Variants in PDE2A observed in about 807,000 individuals in gnomAD.
The protein encoded by PDE2A is phosphodiesterase 2A.
Under a neutral mutation model 133.6 loss-of-function variants are expected in PDE2A, and 53 were observed. That is an observed-to-expected ratio of 0.40 (90% CI 0.32 to 0.50). PDE2A has a LOEUF of 0.50. PDE2A is among the 20% of genes least tolerant of loss of function. The probability of loss-of-function intolerance (pLI) is 0.73; values close to 1 mark genes in which losing one functional copy is unlikely to be tolerated. For missense variants in PDE2A, 796 were observed against 1,232.4 expected, an observed-to-expected ratio of 0.65 and a Z score of 5.30; for synonymous variants, 491 against 490.2, an observed-to-expected ratio of 1.00 and a Z score of -0.02.
At chr11:72,626,634 A>C (rs11824399) in intron 2 of PDE2A, among the ~76,000 whole-genome samples, 8,111 of 151,080 alleles carry the variant, frequency 0.054, 735 homozygotes, top group African/African-American at 0.19. Flanking sequence ...CTCCCCTCCC[A>C]CTCCTGCCCA....
intron 1 of PDE2A, chr11:72,668,286 C>G (rs759195114): frequency 5.6e-6 from 4 of 718,554 alleles, no homozygotes; most frequent in Non-Finnish European, 7.8e-6. Context: ...TCTGGCTCCA[C>G]TGGCTGAATA....
chr11:72,598,931 G>T (rs930739454), intron 4 of PDE2A: 2 of 985,390 alleles, frequency 2.0e-6, no homozygotes, highest in Non-Finnish European at 2.4e-6. Context: ...TGTCCACATT[G>T]CCAGTCACCC....
intron 2 of PDE2A, among the ~76,000 whole-genome samples, chr11:72,627,325 A>G (rs1460649979): frequency 6.6e-6 from 1 of 152,204 alleles, no homozygotes; most frequent in Non-Finnish European, 1.5e-5. Flanking sequence ...CAGGTTTCCC[A>G]ACTGTGGGCT....
At chr11:72,648,936 C>T (rs931610293) in intron 1 of PDE2A, among the ~76,000 whole-genome samples, 1 of 152,190 alleles carries the variant, frequency 6.6e-6, no homozygotes, top group Non-Finnish European at 1.5e-5. Context: ...GCACAGGTGG[C>T]CACGCCTGCT....
rs1219483474 is a variant in PDE2A at position 72,597,463 on chromosome 11, T to A, written c.433+47A>T. ...ATGACCTGGAGTGCAGGGGCCACAGTCCCTCCCTGCCCCTGCCCCTGCCCC... is the reference window on the plus strand; with the variant it reads ...ATGACCTGGAGTGCAGGGGCCACAGACCCTCCCTGCCCCTGCCCCTGCCCC... On this transcript the variant is annotated intron_variant, in intron 5 of 30. Transcript: ENST00000334456. This position sits in a 1 kb window ranked among gnomAD's most constrained non-coding sequence, Gnocchi z 4.6. 4 of 1,051,812 alleles carry A rather than the reference T, an allele frequency of 3.8e-6. No individual in the cohort carries two copies. 65.2% of individuals were successfully genotyped at this position (1,051,812 alleles called of 1,614,324 possible). A position where few individuals can be genotyped will look rare whatever the true frequency, so the allele number is the denominator to read the frequency against.
chr11:72,581,419 G>C lies in PDE2A; in HGVS notation c.1983C>G (p.Ala661=), dbSNP rs1318593959. 6.2e-7 allele frequency: 1 copy of C among 1,611,644 alleles called. No homozygotes were observed. The highest frequency in any genetic ancestry group is 1.3e-5 in the African/African-American group (1 of 74,920). The change falls in exon 23 of 31, where the codon GCC becomes GCG. Residue 661 remains alanine, a synonymous_variant. Coordinates refer to ENST00000334456, the MANE Select transcript of PDE2A (RefSeq NM_002599.5). ...RDPPYHNWMH[A]FSVSHFCYLL... ...GGTAGCAGAAGTGGGAGACAGAAAA[G>C]GCGTGCATCCAGTTGTGGTAGGGGG...
intron 1 of PDE2A, among the ~76,000 whole-genome samples, chr11:72,652,043 T>A (rs912423922): frequency 2.6e-4 from 39 of 152,310 alleles, no homozygotes; most frequent in Admixed American, 2.5e-3. Flanking sequence ...CATGGTGGCC[T>A]TGGTGGGCAG....
At chr11:72,581,067 G>T in intron 23 of PDE2A, 94 bp from the exon 24 acceptor site, 2 of 902,192 alleles carry the variant, frequency 2.2e-6, no homozygotes, top group Non-Finnish European at 3.6e-6. Context: ...ACATGCCCAG[G>T]AGCCACTGGG....
At chr11:72,610,827 C>A (rs550996896) in intron 2 of PDE2A, among the ~76,000 whole-genome samples, 1 of 152,112 alleles carries the variant, frequency 6.6e-6, no homozygotes, top group Non-Finnish European at 1.5e-5. Context: ...CATCCATGTG[C>A]GCACACACAC....
At chr11:72,668,588 C>A (rs1488186644) in intron 1 of PDE2A, among the ~76,000 whole-genome samples, 2 of 152,276 alleles carry the variant, frequency 1.3e-5, no homozygotes, top group African/African-American at 4.8e-5. Flanking sequence ...AGGGCCGGCC[C>A]TCGGCCAGCC....
In PDE2A at chr11:72,590,278, C is replaced by G; in HGVS notation, c.704-34G>C. The stretch of plus-strand genomic sequence containing the variant: ...GCCAGGCGCCGGTCAGAGAGAGGGC[C>G]CCTCCGCACCTCCGTGTCCGGGTCC... On this transcript the variant is annotated intron_variant, in intron 8 of 30. Coordinates refer to ENST00000334456, the MANE Select transcript of PDE2A (RefSeq NM_002599.5). This position sits in a 1 kb window ranked among gnomAD's most constrained non-coding sequence, Gnocchi z 4.8. 1 of 1,547,998 alleles carries G rather than the reference C, an allele frequency of 6.5e-7. No individual in the cohort carries two copies.
At chr11:72,622,287 C>T (rs1389454155) in intron 2 of PDE2A, among the ~76,000 whole-genome samples, 3 of 152,180 alleles carry the variant, frequency 2.0e-5, no homozygotes, top group African/African-American at 4.8e-5. Flanking sequence ...ATACAGAAAA[C>T]AGTATGGCAG....
At chr11:72,633,965 G>A (rs1168754609) in intron 2 of PDE2A, among the ~76,000 whole-genome samples, 1 of 152,210 alleles carries the variant, frequency 6.6e-6, no homozygotes, top group Non-Finnish European at 1.5e-5. Context: ...TCAGCCTACT[G>A]TGCAGCTTTG....
chr11:72,672,278 C>T (rs762559102), intron 1 of PDE2A, among the ~76,000 whole-genome samples: 15 of 152,014 alleles, frequency 9.9e-5, no homozygotes, highest in Admixed American at 7.2e-4. Flanking sequence ...CAAGTTCAAG[C>T]GATTCTCATA....
chr11:72,630,987 C>T, intron 2 of PDE2A: 1 of 1,068,178 alleles, frequency 9.4e-7, no homozygotes, highest in Non-Finnish European at 1.4e-6. Context: ...CCTCCCCGTC[C>T]TCCCAAGGGG....
intron 2 of PDE2A, among the ~76,000 whole-genome samples, chr11:72,636,611 C>T (rs944209743): frequency 6.6e-6 from 1 of 152,128 alleles, no homozygotes. Flanking sequence ...CCCTCCTATA[C>T]ATCTCAGAGA....
At chr11:72,598,699 C>G (rs1856597161) in intron 4 of PDE2A, 3 of 1,280,874 alleles carry the variant, frequency 2.3e-6, no homozygotes, top group African/African-American at 1.5e-5. Context: ...GAGGGGGTGG[C>G]CTGCAAGTCA....
chr11:72,631,706 C>T (rs992036169), intron 2 of PDE2A, among the ~76,000 whole-genome samples: 2 of 152,016 alleles, frequency 1.3e-5, no homozygotes, highest in Non-Finnish European at 2.9e-5. Flanking sequence ...CTACCAGCAC[C>T]ACTTCCACAG....
At chr11:72,649,743 T>G (rs163693) in intron 1 of PDE2A, among the ~76,000 whole-genome samples, 1 of 152,044 alleles carries the variant, frequency 6.6e-6, no homozygotes, top group Non-Finnish European at 1.5e-5. Flanking sequence ...CTCCTTCCCA[T>G]GTGGGATGGC....
Sources: allele counts gnomAD v4.1 joint callset (sites outside exome capture counted in the v4.1 genomes callset), GRCh38; gene constraint gnomAD v4.1.1; non-coding constraint Gnocchi (gnomAD v3.1); transcripts MANE v1.5; gene names NCBI Gene and HGNC (gene_info 2026-07-23, HGNC 2026-07-21).